Variants in GRIN2A observed in about 807,000 individuals in gnomAD.
GRIN2A encodes the protein glutamate receptor ionotropic, NMDA 2A.
In GRIN2A, 22 loss-of-function variants were observed where a neutral mutation model predicts 113.4. That is an observed-to-expected ratio of 0.19 (90% CI 0.14 to 0.28). GRIN2A has a LOEUF of 0.28. GRIN2A is among the 10% of genes least tolerant of loss of function. The pLI, the probability that GRIN2A is intolerant of heterozygous loss-of-function variation, is 1.00. For missense variants in GRIN2A, 1,502 were observed against 1,887.0 expected (o/e 0.80, Z 3.78); for synonymous variants, 827 against 738.4 (o/e 1.12, Z -1.94).
intron 4 of GRIN2A, among the ~76,000 whole-genome samples, chr16:9,855,736 G>A (rs1334253782): frequency 6.6e-6 from 1 of 152,136 alleles, no homozygotes; most frequent in Non-Finnish European, 1.5e-5. Context: ...CCATATATTA[G>A]GGCAGTCTTG....
At chr16:9,773,554 G>A (rs1275983455) in intron 11 of GRIN2A, among the ~76,000 whole-genome samples, 1 of 152,178 alleles carries the variant, frequency 6.6e-6, no homozygotes, top group East Asian at 1.9e-4. Context: ...GCTCTCTTGG[G>A]AACAGATGGA....
At chr16:9,767,527 C>T (rs971064628) in intron 12 of GRIN2A, among the ~76,000 whole-genome samples, 5 of 151,378 alleles carry the variant, frequency 3.3e-5, no homozygotes, top group East Asian at 3.9e-4. Flanking sequence ...AAAGAGTTTT[C>T]ACCATTTTTC....
intron 2 of GRIN2A, among the ~76,000 whole-genome samples, chr16:10,165,980 C>T (rs1306810842): frequency 2.0e-5 from 3 of 152,172 alleles, no homozygotes; most frequent in African/African-American, 7.2e-5. Context: ...CACCCTAACA[C>T]CAGAACTACA....
intron 4 of GRIN2A, among the ~76,000 whole-genome samples, chr16:9,852,783 C>A (rs1161546993): frequency 6.6e-6 from 1 of 152,154 alleles, no homozygotes; most frequent in Non-Finnish European, 1.5e-5. Context: ...CTTTCCCTGC[C>A]TATATTCCTA....
Position 9,860,460 on chromosome 16 carries a change from A to AAAG in GRIN2A, c.1123-10500_1123-10499insCTT, listed in dbSNP as rs1555497584. Among the ~76,000 whole-genome samples the AAAG allele has an allele frequency of 3.5e-4, 50 of 143,208 alleles. 5 individuals are homozygous for AAAG. The highest frequency in any genetic ancestry group is 7.2e-4 in the Admixed American group (10 of 13,902). 94.0% of individuals were successfully genotyped at this position (143,208 alleles called of 152,430 possible). A position where few individuals can be genotyped will look rare whatever the true frequency, so the allele number is the denominator to read the frequency against. ...AAGAGTCTCTCAAAAAAAAAAAAAAAAAAAAAAAAAGAAAGACCAAGGGAG... is the reference window on the plus strand; with the variant it reads ...AAGAGTCTCTCAAAAAAAAAAAAAAAAAGAAAAAAAAAAGAAAGACCAAGGGAG... On this transcript the variant is annotated intron_variant, in intron 4 of 12. Transcript: ENST00000330684.
intron 3 of GRIN2A, among the ~76,000 whole-genome samples, chr16:9,893,062 G>T (rs2043729238): frequency 6.6e-6 from 1 of 152,168 alleles, no homozygotes; most frequent in Non-Finnish European, 1.5e-5. Context: ...ACTGATGGGG[G>T]TGTTGTGTGG....
intron 2 of GRIN2A, among the ~76,000 whole-genome samples, chr16:9,975,332 C>T (rs2045754688): frequency 6.6e-6 from 1 of 152,120 alleles, no homozygotes; most frequent in Non-Finnish European, 1.5e-5. Context: ...CTGGTTTATT[C>T]CATGGATCCT....
chr16:9,958,929 T>C (rs2045369159), intron 2 of GRIN2A, among the ~76,000 whole-genome samples: 1 of 152,196 alleles, frequency 6.6e-6, no homozygotes, highest in Non-Finnish European at 1.5e-5. Context: ...AATGAATTAA[T>C]GAATAAATAC....
chr16:9,910,214 G>T (rs1342518852), intron 3 of GRIN2A, among the ~76,000 whole-genome samples: 1 of 152,004 alleles, frequency 6.6e-6, no homozygotes, highest in African/African-American at 2.4e-5. Context: ...TTAATTTGGG[G>T]AGGTATCTAA....
chr16:10,108,533 G>C (rs1225638061), intron 2 of GRIN2A, among the ~76,000 whole-genome samples: 1 of 152,164 alleles, frequency 6.6e-6, no homozygotes, highest in Non-Finnish European at 1.5e-5. Context: ...CAAACCCCAG[G>C]CCTCCTGATC....
rs1360565816 is a variant in GRIN2A, at chr16:9,758,737, G to C, written c.*4412C>G. Reference sequence around the variant, plus strand: ...TCTGATACAATTAGATATGAACACAGTACAATGTATAGGGATTGAATGGGA... The same window carrying C: ...TCTGATACAATTAGATATGAACACACTACAATGTATAGGGATTGAATGGGA... On this transcript the variant is annotated 3_prime_UTR_variant, in exon 13 of 13. Coordinates refer to ENST00000330684, the MANE Select transcript of GRIN2A (RefSeq NM_001134407.3). 2 of 215,052 alleles carry C rather than the reference G, an allele frequency of 9.3e-6. No individual in the cohort carries two copies. The highest frequency in any genetic ancestry group is 1.9e-5 in the Non-Finnish European group (2 of 106,546). 13.3% of individuals were successfully genotyped at this position (215,052 alleles called of 1,614,324 possible).
chr16:9,999,495 G>A (rs1402387123), intron 2 of GRIN2A, among the ~76,000 whole-genome samples: 4 of 152,090 alleles, frequency 2.6e-5, no homozygotes, highest in African/African-American at 9.7e-5. Flanking sequence ...CACAAGAACA[G>A]AAAACCAAAC....
Position 9,820,965 on chromosome 16 carries a change from C to G in GRIN2A, c.2168+1299G>C, listed in dbSNP as rs116439897. 7.3e-3 allele frequency among the ~76,000 whole-genome samples: 1,107 copies of G among 152,168 alleles called. 17 individuals are homozygous for G. Among genetic ancestry groups the G allele is most frequent in the African/African-American group, 0.025 (1,041 of 41,508 alleles). On this transcript the variant is annotated intron_variant, in intron 10 of 12. Coordinates refer to ENST00000330684, the MANE Select transcript of GRIN2A (RefSeq NM_001134407.3). The stretch of plus-strand genomic sequence containing the variant: ...GCTCTCCCAGCCCCTGCTGAGATGC[C>G]AAAGACATTCCAAAGGCACAGACTG...
At chr16:10,161,973 C>T (rs1368475229) in intron 2 of GRIN2A, among the ~76,000 whole-genome samples, 1 of 152,116 alleles carries the variant, frequency 6.6e-6, no homozygotes, top group Non-Finnish European at 1.5e-5. Context: ...ATTTCAAGAT[C>T]CTTAATTTAA....
intron 4 of GRIN2A, among the ~76,000 whole-genome samples, chr16:9,872,760 C>T (rs951538568): frequency 1.3e-5 from 2 of 152,062 alleles, no homozygotes; most frequent in African/African-American, 4.8e-5. Flanking sequence ...TGGTGGCTCA[C>T]GCTTTTAATC....
At chr16:9,809,930 T>A (rs541703401) in intron 10 of GRIN2A, among the ~76,000 whole-genome samples, 2 of 152,166 alleles carry the variant, frequency 1.3e-5, no homozygotes, top group African/African-American at 4.8e-5. Flanking sequence ...TAGCTGGGCA[T>A]GGTGGCACAC....
intron 2 of GRIN2A, among the ~76,000 whole-genome samples, chr16:10,171,702 G>A (rs1343272794): frequency 6.6e-6 from 1 of 152,092 alleles, no homozygotes; most frequent in African/African-American, 2.4e-5. Context: ...AAAAGTACAT[G>A]TACACTGGAG....
intron 3 of GRIN2A, among the ~76,000 whole-genome samples, chr16:9,935,719 G>A (rs1443831954): frequency 1.3e-5 from 2 of 151,866 alleles, no homozygotes; most frequent in East Asian, 1.9e-4. Flanking sequence ...TTTTTGAGAT[G>A]GAATCTCACT....
chr16:9,938,093 T>C lies in GRIN2A; in HGVS notation c.873A>G (p.Arg291=), dbSNP rs1472711372. 3.1e-6 allele frequency: 5 copies of C among 1,613,854 alleles called. No homozygotes were observed. Among genetic ancestry groups the C allele is most frequent in the Admixed American group, 3.3e-5 (2 of 60,000 alleles). ...YDDWDYSLEA[R]VRDGIGILTT... ...TTAGGATGCCAATGCCGTCCCTCACTCTCGCCTCCAGGCTGTAGTCCCAGT... is the reference window on the plus strand; with the variant it reads ...TTAGGATGCCAATGCCGTCCCTCACCCTCGCCTCCAGGCTGTAGTCCCAGT... Residue 291 remains arginine (R), a synonymous_variant, in exon 3 of 13, where the codon AGA becomes AGG. Transcript: ENST00000330684.
Sources: gnomAD v4.1 joint callset for allele counts (sites outside exome capture counted in the v4.1 genomes callset) on GRCh38, gnomAD v4.1.1 for gene constraint, MANE v1.5 for transcripts, NCBI Gene and HGNC (gene_info 2026-07-23, HGNC 2026-07-21) for gene names.